The following WDR44 variants were observed in gnomAD, a reference collection of about 807,000 sequenced individuals.
WDR44 encodes WD repeat-containing protein 44.
WDR44 carries 9 observed loss-of-function variants against 65.7 expected under a neutral mutation model. The observed-to-expected ratio is 0.14, with a 90% CI of 0.08 to 0.24. The LOEUF (loss-of-function observed/expected upper bound fraction) is 0.24, where lower values mean the gene tolerates loss of function less well. Ranked by LOEUF, WDR44 falls within the 10% of genes least tolerant of loss-of-function variation. The probability of loss-of-function intolerance (pLI) is 1.00; values close to 1 mark genes in which losing one functional copy is unlikely to be tolerated. For synonymous variants in WDR44, 220 were observed against 235.2 expected, an observed-to-expected ratio of 0.94 and a Z score of 0.59; for missense variants, 425 against 670.9, an observed-to-expected ratio of 0.63 and a Z score of 4.05.
chrX:118,358,003 C>A (rs1478978966), intron 1 of WDR44, among the ~76,000 whole-genome samples: 2 of 111,439 alleles, frequency 1.8e-5, no homozygotes, highest in Non-Finnish European at 3.8e-5. Flanking sequence ...GAAACCTCAT[C>A]TCTACTAAAG....
chrX:118,404,536 A>C (rs2056946381), intron 9 of WDR44, 92 bp downstream of exon 9: 2 of 630,028 alleles, frequency 3.2e-6, no homozygotes, highest in Admixed American at 8.7e-5. Flanking sequence ...TTCTATTTAA[A>C]ATAGTAAACC....
chrX:118,373,879 G>C (rs1203314545), intron 1 of WDR44, among the ~76,000 whole-genome samples: 1 of 111,973 alleles, frequency 8.9e-6, no homozygotes, highest in East Asian at 2.8e-4. Flanking sequence ...CATGTCAAGT[G>C]TTATAGTTTT....
chrX:118,406,515 TAC>T (rs2147717244), intron 9 of WDR44, among the ~76,000 whole-genome samples: 1 of 112,383 alleles, frequency 8.9e-6, no homozygotes, highest in East Asian at 2.8e-4. Flanking sequence ...TAATGAAACT[TAC>T]ATAGTACTTA....
chrX:118,427,095 G>T (rs770315831), intron 12 of WDR44, among the ~76,000 whole-genome samples: 2 of 111,230 alleles, frequency 1.8e-5, no homozygotes, highest in East Asian at 5.6e-4. Context: ...TGACTAAAAA[G>T]TACCTATAAA....
At chrX:118,401,612 T>G (rs1323454025) in intron 8 of WDR44, among the ~76,000 whole-genome samples, 3 of 86,019 alleles carry the variant, frequency 3.5e-5, no homozygotes, top group East Asian at 7.6e-4. Flanking sequence ...TTCTCCCATT[T>G]TGTAGGTTGC....
intron 14 of WDR44, among the ~76,000 whole-genome samples, chrX:118,439,641 TAGA>T (rs766085176): frequency 9.0e-5 from 10 of 111,382 alleles, no homozygotes; most frequent in Non-Finnish European, 1.9e-4. Flanking sequence ...AATTCTGAAT[TAGA>T]AGACTAAGTT....
chrX:118,442,151 C>T, intron 15 of WDR44, 93 bp from the exon 16 acceptor site: 1 of 754,517 alleles, frequency 1.3e-6, no homozygotes, highest in Non-Finnish European at 2.0e-6. Flanking sequence ...AAGCAGTCCT[C>T]CTGCCTCAGC....
At chrX:118,352,160 T>TG (rs2056410681) in intron 1 of WDR44, among the ~76,000 whole-genome samples, 2 of 98,468 alleles carry the variant, frequency 2.0e-5, no homozygotes, top group East Asian at 6.2e-4. Flanking sequence ...TTTTTGTTTT[T>TG]TTTTTTGAGA....
At chrX:118,387,314 C>T (rs2056779836) in intron 2 of WDR44, 26 bp from the exon 3 acceptor site, 9 of 1,086,700 alleles carry the variant, frequency 8.3e-6, no homozygotes, top group Non-Finnish European at 1.1e-5. Context: ...ATCATTTGGT[C>T]TCTATTTCTT....
At position 118,432,762 on chromosome X, in the gene WDR44, T is replaced by C; in HGVS notation, c.1738-19T>C. ...AGTTTTACATTGCAGTTTCAAAGTTTATCTTTATATCCAAATAGGTATGCA... is the reference window on the plus strand; with the variant it reads ...AGTTTTACATTGCAGTTTCAAAGTTCATCTTTATATCCAAATAGGTATGCA... On this transcript the variant is annotated intron_variant, in intron 12 of 19. Coordinates refer to ENST00000254029, the MANE Select transcript of WDR44 (RefSeq NM_019045.5). 8.5e-7 allele frequency: 1 copy of C among 1,176,609 alleles called. No homozygotes were observed. Among genetic ancestry groups the C allele is most frequent in the Non-Finnish European group, 1.2e-6 (1 of 865,734 alleles).
intron 3 of WDR44, 78 bp downstream of exon 3, chrX:118,387,492 T>G: frequency 1.4e-6 from 1 of 714,114 alleles, no homozygotes; most frequent in South Asian, 3.3e-5. Context: ...GCTTTTATAT[T>G]CTTTTAGTAT....
chrX:118,425,719 T>C (rs969752795), intron 12 of WDR44, among the ~76,000 whole-genome samples: 1 of 112,236 alleles, frequency 8.9e-6, no homozygotes, highest in East Asian at 2.8e-4. Flanking sequence ...CTGCTACATA[T>C]TGTATGTGCT....
chrX:118,391,178 T>C (rs1254318245), intron 3 of WDR44, among the ~76,000 whole-genome samples: 1 of 112,282 alleles, frequency 8.9e-6, no homozygotes, highest in Non-Finnish European at 1.9e-5. Flanking sequence ...TCTTTTTGCA[T>C]TTATAGCTAA....
chrX:118,392,900 A>G lies in WDR44; in HGVS notation c.455A>G (p.Asp152Gly), dbSNP rs1367969075. Reference protein sequence around the residue: ...PSDETCEKPVDETTKLTQTSS... With the variant: ...PSDETCEKPVGETTKLTQTSS... ...GATGAAACCTGTGAGAAACCAGTAG[A>G]TGAAACCACGAAGTTAACTCAAACA... The change falls in exon 4 of 20, where the codon GAT becomes GGT. Residue 152 changes from aspartate to glycine, a missense_variant. Asp to Gly is a moderately conservative substitution (Grantham distance 94). Around this residue, in one of 5 missense-constraint regions of WDR44, gnomAD observed 193 missense variants for 209.0 expected, o/e 0.92. Coordinates refer to ENST00000254029, the MANE Select transcript of WDR44 (RefSeq NM_019045.5). 5 of 1,211,146 alleles carry G rather than the reference A, an allele frequency of 4.1e-6. No homozygotes were observed. The highest frequency in any genetic ancestry group is 5.6e-6 in the Non-Finnish European group (5 of 895,569).
chrX:118,352,352 A>ATATATTTTTTTT (rs1357425730), intron 1 of WDR44, among the ~76,000 whole-genome samples: 1 of 14,224 alleles, frequency 7.0e-5, no homozygotes, highest in African/African-American at 3.7e-4. Flanking sequence ...ATATATATAT[A>ATATATTTTTTTT]TTTTTTTTTT....
Position 118,406,927 on chromosome X carries a change from A to G in WDR44, c.1434A>G (p.Pro478=). The change falls in exon 10 of 20, where the codon CCA becomes CCG. Residue 478 remains proline, a synonymous_variant. Transcript: ENST00000254029. ...DPSSSDDEGM[P]YTRPVKFKAA... is the part of the protein sequence containing the mutation. ...CATCAAGTGATGATGAAGGAATGCC[A>G]TACACAAGACCAGTTAAATTCAAAG... is the stretch of plus-strand genomic sequence containing the variant. The G allele has an allele frequency of 1.7e-6, 2 of 1,210,813 alleles. No homozygotes were observed. The highest frequency in any genetic ancestry group is 1.8e-5 in the South Asian group (1 of 56,936).
At chrX:118,416,545 A>G (rs1411151501) in intron 12 of WDR44, among the ~76,000 whole-genome samples, 1 of 111,379 alleles carries the variant, frequency 9.0e-6, no homozygotes, top group Admixed American at 9.6e-5. Flanking sequence ...GTAGTCTGAG[A>G]GAGTGCTTGA....
chrX:118,357,900 G>A (rs750216729), intron 1 of WDR44, among the ~76,000 whole-genome samples: 15 of 110,742 alleles, frequency 1.4e-4, no homozygotes, highest in South Asian at 1.1e-3. Flanking sequence ...ACAGCTGGGC[G>A]CGGTGGCTCA....
intron 12 of WDR44, among the ~76,000 whole-genome samples, chrX:118,412,478 A>G (rs1012686420): frequency 9.0e-6 from 1 of 111,491 alleles, no homozygotes; most frequent in Admixed American, 9.6e-5. Flanking sequence ...CAGGGAGACC[A>G]TGTAAGAGGC....
Sources: gnomAD v4.1 joint callset for allele counts (sites outside exome capture counted in the v4.1 genomes callset) on GRCh38, gnomAD v4.1.1 for gene constraint, gnomAD v4.1.1 regional missense constraint, MANE v1.5 for transcripts, NCBI Gene and HGNC (gene_info 2026-07-23, HGNC 2026-07-21) for gene names.